Variants in TMOD2 observed in about 807,000 individuals in gnomAD.
The protein encoded by TMOD2 is tropomodulin 2.
TMOD2 carries 22 observed loss-of-function variants against 39.9 expected under a neutral mutation model. The ratio of observed to expected loss-of-function variants is 0.55; its 90% CI spans 0.39 to 0.79. TMOD2 has a LOEUF of 0.79. Among genes scored for constraint, TMOD2 ranks in the 30% least tolerant of loss-of-function variants. TMOD2 has a pLI of 0.00. For missense variants in TMOD2, 386 were observed against 413.3 expected (o/e 0.93, Z 0.57); for synonymous variants, 123 against 146.1 (o/e 0.84, Z 1.14).
intron 1 of TMOD2, among the ~76,000 whole-genome samples, chr15:51,753,194 C>T (rs2055719159): frequency 6.6e-6 from 1 of 152,214 alleles, no homozygotes; most frequent in Non-Finnish European, 1.5e-5. Context: ...CCTAACATAA[C>T]AGTTGAATAA....
intron 8 of TMOD2, among the ~76,000 whole-genome samples, chr15:51,799,541 G>C (rs1015476371): frequency 6.6e-6 from 1 of 152,180 alleles, no homozygotes; most frequent in Admixed American, 6.5e-5. Flanking sequence ...CTAGGAGAGA[G>C]GAACTTTTAC....
intron 7 of TMOD2, among the ~76,000 whole-genome samples, chr15:51,790,966 A>G (rs1595874429): frequency 6.6e-6 from 1 of 152,320 alleles, no homozygotes; most frequent in East Asian, 1.9e-4. Context: ...GCCCTCTCTC[A>G]CCACTCCTAT....
At chr15:51,803,962 T>C (rs1408694794) in intron 8 of TMOD2, among the ~76,000 whole-genome samples, 1 of 152,258 alleles carries the variant, frequency 6.6e-6, no homozygotes, top group Admixed American at 6.5e-5. Flanking sequence ...AAAAGGTTAG[T>C]AGTATCTTAT....
At chr15:51,768,157 A>G (rs555742317) in intron 2 of TMOD2, 105 bp from the exon 3 acceptor site, 8 of 1,333,114 alleles carry the variant, frequency 6.0e-6, no homozygotes, top group African/African-American at 4.3e-5. Flanking sequence ...CTGCGTAGGT[A>G]TCCTTCCTGC....
At chr15:51,785,414 A>G (rs2055962467) in intron 7 of TMOD2, among the ~76,000 whole-genome samples, 1 of 132,348 alleles carries the variant, frequency 7.6e-6, no homozygotes. Context: ...TCTGTCTCAA[A>G]AAAAAAAAAA....
At chr15:51,786,614 C>T (rs761693844) in intron 7 of TMOD2, among the ~76,000 whole-genome samples, 3 of 152,126 alleles carry the variant, frequency 2.0e-5, no homozygotes, top group Non-Finnish European at 2.9e-5. Flanking sequence ...AAGATTACAC[C>T]GCATGTGGCC....
chr15:51,801,227 T>A (rs942191662), intron 8 of TMOD2, among the ~76,000 whole-genome samples: 1 of 94,908 alleles, frequency 1.1e-5, no homozygotes, highest in African/African-American at 5.1e-5. Context: ...CCTCTCTCTC[T>A]CTCTCTCTCT....
At chr15:51,772,386 A>G (rs2055859479) in intron 3 of TMOD2, among the ~76,000 whole-genome samples, 1 of 152,224 alleles carries the variant, frequency 6.6e-6, no homozygotes, top group Non-Finnish European at 1.5e-5. Context: ...TGTTTTGATC[A>G]TGGCTCTAGA....
intron 7 of TMOD2, among the ~76,000 whole-genome samples, chr15:51,791,822 G>A (rs1445239440): frequency 6.6e-6 from 1 of 152,136 alleles, no homozygotes; most frequent in African/African-American, 2.4e-5. Context: ...ACTGAAACTG[G>A]ACCCTTTCCT....
chr15:51,769,842 C>T (rs2055841438), intron 3 of TMOD2, among the ~76,000 whole-genome samples: 1 of 152,042 alleles, frequency 6.6e-6, no homozygotes, highest in Admixed American at 6.6e-5. Flanking sequence ...CAAGACCAGC[C>T]TGGGAAACAT....
chr15:51,760,034 G>A (rs1249479270), intron 1 of TMOD2, among the ~76,000 whole-genome samples: 3 of 152,206 alleles, frequency 2.0e-5, no homozygotes, highest in Non-Finnish European at 4.4e-5. Flanking sequence ...GGAACCCATT[G>A]ATACAGTCTA....
intron 4 of TMOD2, among the ~76,000 whole-genome samples, chr15:51,775,798 G>A (rs577994748): frequency 5.3e-5 from 8 of 151,958 alleles, no homozygotes; most frequent in South Asian, 2.1e-4. Flanking sequence ...GGATGGTCTC[G>A]ATTTCTTGAC....
intron 5 of TMOD2, among the ~76,000 whole-genome samples, chr15:51,778,790 G>T (rs1420040126): frequency 6.6e-6 from 1 of 151,612 alleles, no homozygotes; most frequent in African/African-American, 2.4e-5. Context: ...GAGTAGCTGG[G>T]ACTACAGGCA....
At position 51,806,650 on chromosome 15, in the gene TMOD2, C is replaced by T. The variant is rs985026502; in HGVS notation, c.1021+129C>T. The T allele has an allele frequency of 4.7e-5, 48 of 1,021,780 alleles. No individual in the cohort carries two copies. In the East Asian group the frequency reaches 5.7e-4, roughly 12 times the overall value. The allele number at this position is 1,021,780 out of a possible 1,614,324, so 63.3% of individuals were successfully genotyped here. The stretch of plus-strand genomic sequence containing the variant: ...ATGTCACTCACTTCTTCATATAAGA[C>T]GCATTATTATAATACATGGTCATAG... On this transcript the variant is annotated intron_variant, in intron 9 of 9. Transcript: ENST00000249700.
Position 51,815,397 on chromosome 15 carries a change from G to GTGTA in TMOD2, c.*6947_*6950dup, listed in dbSNP as rs1214632597. The GTGTA allele has an allele frequency of 6.6e-6, 1 of 152,330 alleles. No homozygotes were observed. Among genetic ancestry groups the GTGTA allele is most frequent in the African/African-American group, 2.4e-5 (1 of 41,572 alleles). 9.4% of individuals were successfully genotyped at this position (152,330 alleles called of 1,614,324 possible). A position where few individuals can be genotyped will look rare whatever the true frequency, so the allele number is the denominator to read the frequency against. Reference sequence around the variant, plus strand: ...TCTTATTTAAAATGTGTGTGTGTGTGTGTATGTGTGTGTTTCTGAGTAAGT... The same window carrying GTGTA: ...TCTTATTTAAAATGTGTGTGTGTGTGTGTATGTATGTGTGTGTTTCTGAGTAAGT... On this transcript the variant is annotated 3_prime_UTR_variant, in exon 10 of 10. Transcript: ENST00000249700.
intron 6 of TMOD2, among the ~76,000 whole-genome samples, chr15:51,781,821 A>AAT (rs1555462040): frequency 2.0e-5 from 3 of 149,558 alleles, no homozygotes. Flanking sequence ...AGAGAGAGAG[A>AAT]GAGTGTGTGT....
intron 8 of TMOD2, among the ~76,000 whole-genome samples, chr15:51,800,731 G>T (rs529493508): frequency 6.6e-6 from 1 of 152,098 alleles, no homozygotes; most frequent in East Asian, 1.9e-4. Flanking sequence ...TTTGAGACAA[G>T]GTCTCACTCT....
chr15:51,753,388 C>G (rs1024613584), intron 1 of TMOD2, among the ~76,000 whole-genome samples: 4 of 152,146 alleles, frequency 2.6e-5, no homozygotes, highest in African/African-American at 9.7e-5. Flanking sequence ...CTGCGAGTCT[C>G]CCGTTGTGAA....
intron 1 of TMOD2, among the ~76,000 whole-genome samples, chr15:51,765,002 G>T (rs1326077028): frequency 6.6e-6 from 1 of 151,360 alleles, no homozygotes; most frequent in African/African-American, 2.4e-5. Context: ...GGGGCATTTT[G>T]ATAAATATAA....
Sources: gnomAD v4.1 joint callset for allele counts (sites outside exome capture counted in the v4.1 genomes callset) on GRCh38, gnomAD v4.1.1 for gene constraint, MANE v1.5 for transcripts, NCBI Gene and HGNC (gene_info 2026-07-23, HGNC 2026-07-21) for gene names.